The following DLGAP2 variants were observed in gnomAD, a reference collection of about 807,000 sequenced individuals.
DLGAP2 encodes DLG associated protein 2, also known as disks large-associated protein 2.
Under a neutral mutation model 100.3 loss-of-function variants are expected in DLGAP2, and 26 were observed. That is an observed-to-expected ratio of 0.26 (90% CI 0.19 to 0.36). The LOEUF is 0.36. DLGAP2 is among the 10% of genes least tolerant of loss of function. The pLI, the probability that DLGAP2 is intolerant of heterozygous loss-of-function variation, is 1.00. For synonymous variants in DLGAP2, 886 were observed against 630.1 expected (o/e 1.41, Z -6.08); for missense variants, 1,858 against 1,453.2 (o/e 1.28, Z -4.53).
chr8:1,326,096 C>A (rs1801014700), intron 3 of DLGAP2, among the ~76,000 whole-genome samples: 1 of 152,138 alleles, frequency 6.6e-6, no homozygotes, highest in East Asian at 1.9e-4. Flanking sequence ...CAGCTTTTTT[C>A]TTCTTCGATG....
chr8:1,325,806 C>T (rs1188418499), intron 3 of DLGAP2, among the ~76,000 whole-genome samples: 3 of 152,220 alleles, frequency 2.0e-5, no homozygotes, highest in East Asian at 1.9e-4. Flanking sequence ...CAAGAGTTGT[C>T]GTCAGCTCCT....
At chr8:1,373,876 A>C (rs1005098813) in intron 3 of DLGAP2, 13 of 152,310 alleles carry the variant, frequency 8.5e-5, no homozygotes, top group African/African-American at 3.1e-4. Context: ...TGCTCTCCAC[A>C]GTACATGAAG....
chr8:780,493 T>C (rs564215626), intron 1 of DLGAP2, among the ~76,000 whole-genome samples: 3 of 152,262 alleles, frequency 2.0e-5, no homozygotes, highest in East Asian at 1.9e-4. Flanking sequence ...CACCCAGAAG[T>C]GGGATTGCTG....
At chr8:1,381,954 A>G (rs1796107340) in intron 3 of DLGAP2, among the ~76,000 whole-genome samples, 1 of 152,196 alleles carries the variant, frequency 6.6e-6, no homozygotes, top group Non-Finnish European at 1.5e-5. Flanking sequence ...AAGTCTACAC[A>G]GTGTTTTTTA....
chr8:873,169 C>G lies in DLGAP2; in HGVS notation c.19-34743C>G, dbSNP rs151122302. 4.2e-3 allele frequency among the ~76,000 whole-genome samples: 643 copies of G among 152,270 alleles called. 2 individuals carry two copies. Among genetic ancestry groups the G allele is most frequent in the African/African-American group, 0.014 (602 of 41,556 alleles). On this transcript the variant is annotated intron_variant, in intron 1 of 14. Transcript: ENST00000637795. ...TGCATGAATAGTATTAAAACTGATT[C>G]TCTATATTGACCTCATGTCCTTCAA...
At chr8:1,065,289 C>G (rs1325205193) in intron 2 of DLGAP2, among the ~76,000 whole-genome samples, 3 of 152,190 alleles carry the variant, frequency 2.0e-5, no homozygotes, top group East Asian at 1.9e-4. Context: ...AAGATTATTT[C>G]AAGATAACAA....
At chr8:1,625,488 C>T (rs1206590309) in intron 6 of DLGAP2, among the ~76,000 whole-genome samples, 2 of 152,136 alleles carry the variant, frequency 1.3e-5, no homozygotes, top group South Asian at 2.1e-4. Context: ...AGAAAACGAC[C>T]GTTGTGCTTA....
Position 1,048,402 on chromosome 8 carries a change from T to C in DLGAP2, c.73+140436T>C, listed in dbSNP as rs1341466488. 2.0e-5 allele frequency among the ~76,000 whole-genome samples: 3 copies of C among 152,026 alleles called. No homozygotes were observed. The East Asian group carries it at 5.8e-4, about 29-fold the overall frequency. On this transcript the variant is annotated intron_variant, in intron 2 of 14. Transcript: ENST00000637795. ...TTATTAGGGCCTCTCCTGGTCTCAG[T>C]AAGTGCTGATTCTAAAACCTGCCAC...
chr8:1,195,654 G>A (rs1797734818), intron 2 of DLGAP2, among the ~76,000 whole-genome samples: 1 of 151,988 alleles, frequency 6.6e-6, no homozygotes, highest in South Asian at 2.1e-4. Context: ...ATCTTCCAAA[G>A]GATTCTCTTC....
chr8:1,492,306 C>T (rs1225609649), intron 3 of DLGAP2, among the ~76,000 whole-genome samples: 1 of 152,214 alleles, frequency 6.6e-6, no homozygotes, highest in African/African-American at 2.4e-5. Context: ...ATGTCATTGT[C>T]CTAACGGAGC....
chr8:1,474,490 C>T (rs1398385623), intron 3 of DLGAP2, among the ~76,000 whole-genome samples: 2 of 152,146 alleles, frequency 1.3e-5, no homozygotes, highest in East Asian at 1.9e-4. Flanking sequence ...GTTTACATTC[C>T]CACCAGCAGT....
intron 2 of DLGAP2, among the ~76,000 whole-genome samples, chr8:1,084,808 G>A (rs1803921727): frequency 6.6e-6 from 1 of 152,174 alleles, no homozygotes; most frequent in African/African-American, 2.4e-5. Context: ...TCCATGTCTT[G>A]GACATTGTGA....
intron 1 of DLGAP2, among the ~76,000 whole-genome samples, chr8:745,534 T>A (rs1322321165): frequency 3.3e-5 from 5 of 152,182 alleles, no homozygotes; most frequent in East Asian, 1.9e-4. Flanking sequence ...CACTCAATTT[T>A]AAAAAAACTC....
intron 2 of DLGAP2, among the ~76,000 whole-genome samples, chr8:1,024,189 T>C (rs11780796): frequency 0.024 from 1,062 of 43,814 alleles, 15 homozygotes; most frequent in Middle Eastern, 0.077. Flanking sequence ...GGTGGACAGT[T>C]CCGTGCCGAG....
chr8:1,190,944 A>C (rs967334307), intron 2 of DLGAP2, among the ~76,000 whole-genome samples: 1 of 152,096 alleles, frequency 6.6e-6, no homozygotes, highest in African/African-American at 2.4e-5. Flanking sequence ...CCATGGTGCG[A>C]CATCCCCAGC....
At chr8:963,854 A>G (rs906690871) in intron 2 of DLGAP2, among the ~76,000 whole-genome samples, 14 of 152,188 alleles carry the variant, frequency 9.2e-5, no homozygotes, top group African/African-American at 2.9e-4. Flanking sequence ...GCGGGATGAC[A>G]TTTAAAATTT....
intron 1 of DLGAP2, among the ~76,000 whole-genome samples, chr8:857,802 C>G (rs151155420): frequency 6.6e-6 from 1 of 152,268 alleles, no homozygotes; most frequent in East Asian, 1.9e-4. Flanking sequence ...GCCATGCCGT[C>G]TAGCAGTCAG....
rs145860929 is a variant in DLGAP2 at position 1,201,661 on chromosome 8, T to C, written c.74-57190T>C. ...CTCAGAGCTCCTGGTTCAGTGCCTG[T>C]TTGTCAGATGCCTGTGACGTGGTCC... is the stretch of plus-strand genomic sequence containing the variant. On this transcript the variant is annotated intron_variant, in intron 2 of 14. Transcript: ENST00000637795. Among the ~76,000 whole-genome samples, 144 of 152,284 alleles carry C rather than the reference T, an allele frequency of 9.5e-4. 3 individuals are homozygous for C. In the Middle Eastern group the frequency reaches 0.01, roughly 11 times the overall value.
intron 4 of DLGAP2, among the ~76,000 whole-genome samples, chr8:1,546,266 A>G (rs905901445): frequency 2.0e-5 from 3 of 152,200 alleles, no homozygotes; most frequent in African/African-American, 7.2e-5. Flanking sequence ...TTATCCTTCA[A>G]CTGGGGACTG....
Sources: allele counts gnomAD v4.1 joint callset (sites outside exome capture counted in the v4.1 genomes callset), GRCh38; gene constraint gnomAD v4.1.1; transcripts MANE v1.5; gene names NCBI Gene and HGNC (gene_info 2026-07-23, HGNC 2026-07-21).